CCDC30: variants seen among roughly 807,000 people sequenced by gnomAD.
CCDC30 encodes the protein coiled-coil domain containing 30, also known as coiled-coil domain-containing protein 30.
Under a neutral mutation model 100.2 loss-of-function variants are expected in CCDC30, and 70 were observed. The observed-to-expected ratio is 0.70, with a 90% confidence interval of 0.58 to 0.85. The LOEUF (loss-of-function observed/expected upper bound fraction) is 0.85, where lower values mean the gene tolerates loss of function less well. Among genes scored for constraint, CCDC30 ranks in the 40% least tolerant of loss-of-function variants. The pLI is 0.00. For missense variants in CCDC30, 652 were observed against 771.2 expected (o/e 0.85, Z 1.83); for synonymous variants, 233 against 269.5 (o/e 0.86, Z 1.33).
At chr1:42,497,727 T>C (rs1644251129) in intron 5 of CCDC30, among the ~76,000 whole-genome samples, 1 of 152,154 alleles carries the variant, frequency 6.6e-6, no homozygotes, top group African/African-American at 2.4e-5. Context: ...CTTTAGAAAT[T>C]TTTTTGCAAG....
intron 6 of CCDC30, among the ~76,000 whole-genome samples, chr1:42,543,275 CTT>C (rs10637500): frequency 2.8e-5 from 4 of 143,554 alleles, no homozygotes; most frequent in Admixed American, 6.9e-5. Flanking sequence ...AACTGGCCTT[CTT>C]TTTTTTTTTT....
chr1:42,504,131 C>A (rs913554774), intron 6 of CCDC30, among the ~76,000 whole-genome samples: 4 of 152,262 alleles, frequency 2.6e-5, no homozygotes, highest in Non-Finnish European at 5.9e-5. Context: ...TAGTTAACTG[C>A]AGCAGGAGCA....
At chr1:42,488,344 G>T (rs1644084424) in intron 3 of CCDC30, among the ~76,000 whole-genome samples, 1 of 152,004 alleles carries the variant, frequency 6.6e-6, no homozygotes, top group Admixed American at 6.6e-5. Flanking sequence ...TAGAGACAGG[G>T]TTTCACTCTG....
At chr1:42,493,947 C>T (rs930670434) in intron 4 of CCDC30, among the ~76,000 whole-genome samples, 1 of 152,180 alleles carries the variant, frequency 6.6e-6, no homozygotes, top group African/African-American at 2.4e-5. Context: ...GACATCGTGG[C>T]TCATGCCTGT....
intron 1 of CCDC30, among the ~76,000 whole-genome samples, chr1:42,467,524 G>A (rs2148434274): frequency 6.6e-6 from 1 of 152,312 alleles, no homozygotes; most frequent in Non-Finnish European, 1.5e-5. Flanking sequence ...TATGTTGACA[G>A]TGATTTTAAC....
At chr1:42,518,868 G>A (rs774888336) in intron 6 of CCDC30, among the ~76,000 whole-genome samples, 1 of 152,134 alleles carries the variant, frequency 6.6e-6, no homozygotes, top group Non-Finnish European at 1.5e-5. Context: ...TCTGATCTTG[G>A]AGCAAAAGCT....
intron 6 of CCDC30, among the ~76,000 whole-genome samples, chr1:42,553,750 A>G (rs548732993): frequency 2.4e-4 from 37 of 152,156 alleles, no homozygotes; most frequent in Middle Eastern, 3.4e-3. Context: ...TGGATATAAG[A>G]AAAGGAAAGG....
chr1:42,605,969 T>TA (rs1309115170), intron 10 of CCDC30, among the ~76,000 whole-genome samples: 2 of 152,186 alleles, frequency 1.3e-5, no homozygotes, highest in Admixed American at 6.5e-5. Context: ...TGCCAGAATT[T>TA]AAAAAAACTT....
intron 16 of CCDC30, 68 bp downstream of exon 20, chr1:42,653,511 A>T (rs1477094473): frequency 3.0e-6 from 3 of 1,011,994 alleles, no homozygotes; most frequent in Non-Finnish European, 4.6e-6. Context: ...CCTGAGAGTC[A>T]TGGCTGCCTA....
chr1:42,646,090 G>T, intron 14 of CCDC30, 45 bp from the exon 19 acceptor site: 1 of 1,528,098 alleles, frequency 6.5e-7, no homozygotes, highest in South Asian at 1.4e-5. Context: ...CTAACATCTT[G>T]ATACCTATTG....
intron 6 of CCDC30, among the ~76,000 whole-genome samples, chr1:42,500,903 A>G (rs1279570190): frequency 1.3e-5 from 2 of 152,144 alleles, no homozygotes; most frequent in Non-Finnish European, 2.9e-5. Flanking sequence ...AGAGTTCTTT[A>G]TATATTTTCA....
chr1:42,535,998 C>T (rs1389094083), intron 6 of CCDC30, among the ~76,000 whole-genome samples: 4 of 151,168 alleles, frequency 2.6e-5, no homozygotes, highest in Admixed American at 2.6e-4. Flanking sequence ...TGAGCCTCAC[C>T]TGTCTCCTCT....
chr1:42,578,691 A>T (rs1220381963), intron 8 of CCDC30, among the ~76,000 whole-genome samples: 4 of 152,224 alleles, frequency 2.6e-5, no homozygotes, highest in Admixed American at 2.6e-4. Flanking sequence ...TGTGTGCATC[A>T]TACAACTTAA....
At chr1:42,504,382 A>C (rs1320725637) in intron 6 of CCDC30, among the ~76,000 whole-genome samples, 1 of 152,184 alleles carries the variant, frequency 6.6e-6, no homozygotes, top group Non-Finnish European at 1.5e-5. Flanking sequence ...ACCTGTTATC[A>C]AGGGGTTTTA....
chr1:42,646,499 G>C (rs1348013546), intron 15 of CCDC30, among the ~76,000 whole-genome samples, 182 bp downstream of exon 19: 1 of 152,194 alleles, frequency 6.6e-6, no homozygotes, highest in Non-Finnish European at 1.5e-5. Context: ...TTAACCCACA[G>C]GTAGTAGTAT....
At chr1:42,543,780 A>G (rs917510133) in intron 6 of CCDC30, among the ~76,000 whole-genome samples, 1 of 152,260 alleles carries the variant, frequency 6.6e-6, no homozygotes, top group African/African-American at 2.4e-5. Flanking sequence ...GTTATAGTCC[A>G]TATGAGATTT....
chr1:42,503,469 A>G (rs1308807176), intron 6 of CCDC30, among the ~76,000 whole-genome samples: 4 of 152,288 alleles, frequency 2.6e-5, no homozygotes, highest in African/African-American at 9.6e-5. Context: ...TGACGTTTAC[A>G]TAGCATGTGG....
At chr1:42,496,122 AGTGT>A (rs56267063) in intron 4 of CCDC30, among the ~76,000 whole-genome samples, 87,975 of 147,058 alleles carry the variant, frequency 0.6, 28,327 homozygotes, top group Admixed American at 0.73. Context: ...TTATTTGTGG[AGTGT>A]GTGTGTGTGT....
intron 1 of CCDC30, among the ~76,000 whole-genome samples, chr1:42,468,010 C>G (rs1218276516): frequency 6.6e-6 from 1 of 152,188 alleles, no homozygotes; most frequent in African/African-American, 2.4e-5. Flanking sequence ...AGACAGAAGA[C>G]CTCATGGGTC....
Sources: allele counts gnomAD v4.1 joint callset (sites outside exome capture counted in the v4.1 genomes callset), GRCh38; gene constraint gnomAD v4.1.1; transcripts MANE v1.5; gene names NCBI Gene and HGNC (gene_info 2026-07-23, HGNC 2026-07-21).